Variants in MAGI2 observed in about 807,000 individuals in gnomAD.
MAGI2 encodes membrane-associated guanylate kinase, WW and PDZ domain-containing protein 2.
A neutral mutation model predicts 133.3 loss-of-function variants in MAGI2; 35 were observed. That is an observed-to-expected ratio of 0.26 (90% CI 0.20 to 0.35). The LOEUF (loss-of-function observed/expected upper bound fraction) is 0.35. Ranked by LOEUF, MAGI2 falls within the 10% of genes least tolerant of loss-of-function variation. The pLI, the probability that MAGI2 is intolerant of heterozygous loss-of-function variation, is 1.00. For synonymous variants in MAGI2, 729 were observed against 710.6 expected, an observed-to-expected ratio of 1.03 and a Z score of -0.41; for missense variants, 1,636 against 1,863.4, an observed-to-expected ratio of 0.88 and a Z score of 2.25.
chr7:78,298,768 G>GTGTT (rs1797551003), intron 9 of MAGI2, among the ~76,000 whole-genome samples: 1 of 148,172 alleles, frequency 6.7e-6, no homozygotes, highest in African/African-American at 2.5e-5. Flanking sequence ...GCCTCCCAAA[G>GTGTT]TGTTGGGATT....
At chr7:78,823,068 G>T (rs1790264902) in intron 2 of MAGI2, among the ~76,000 whole-genome samples, 1 of 152,104 alleles carries the variant, frequency 6.6e-6, no homozygotes. Flanking sequence ...TTCACAAAAT[G>T]TGGCTCATTA....
At chr7:78,728,581 T>TTTTTTTTTTG (rs1563419564) in intron 2 of MAGI2, among the ~76,000 whole-genome samples, 1 of 59,202 alleles carries the variant, frequency 1.7e-5, no homozygotes, top group African/African-American at 7.6e-5. Context: ...TTTTTTTTTT[T>TTTTTTTTTTG]TTGAGACGGA....
At chr7:79,140,894 G>C (rs991818106) in intron 1 of MAGI2, among the ~76,000 whole-genome samples, 2 of 152,058 alleles carry the variant, frequency 1.3e-5, no homozygotes, top group Non-Finnish European at 2.9e-5. Flanking sequence ...TTTGGCAATA[G>C]CAACATTGTT....
intron 1 of MAGI2, among the ~76,000 whole-genome samples, chr7:79,344,419 G>A (rs1448658477): frequency 6.6e-6 from 1 of 152,058 alleles, no homozygotes; most frequent in East Asian, 1.9e-4. Flanking sequence ...ACATAAATGA[G>A]CAATTGCTAT....
intron 1 of MAGI2, among the ~76,000 whole-genome samples, chr7:79,173,975 G>GT (rs928922361): frequency 3.4e-4 from 51 of 151,000 alleles, no homozygotes; most frequent in African/African-American, 9.5e-4. Flanking sequence ...ACCACAGGCA[G>GT]TTTTTTTTTA....
chr7:79,028,316 CACATATATATACATATATAT>C (rs1810202536), intron 1 of MAGI2, among the ~76,000 whole-genome samples: 5 of 122,772 alleles, frequency 4.1e-5, no homozygotes, highest in South Asian at 2.7e-4. Context: ...TATATATACA[CACATATATATACATATATAT>C]ACACACACAC....
rs142613543 is a variant in MAGI2 at position 78,758,929 on chromosome 7, T to C, written c.419-131690A>G. ...TAGTTAATCTGTCACATTCAAATAA[T>C]TTGTTTACACGTCTATCTCCCACAC... On this transcript the variant is annotated intron_variant, in intron 2 of 21. Transcript: ENST00000354212. Among the ~76,000 whole-genome samples, 39 of 152,316 alleles carry C rather than the reference T, an allele frequency of 2.6e-4. No individual in the cohort carries two copies. The East Asian group carries it at 7.5e-3, about 29-fold the overall frequency.
At chr7:78,057,368 G>A (rs1024817505) in intron 21 of MAGI2, among the ~76,000 whole-genome samples, 6 of 151,918 alleles carry the variant, frequency 3.9e-5, no homozygotes, top group South Asian at 4.2e-4. Context: ...TCAGCCTCCC[G>A]GGTAGCTAGG....
intron 21 of MAGI2, among the ~76,000 whole-genome samples, chr7:78,025,099 C>T (rs1035360885): frequency 6.6e-6 from 1 of 152,214 alleles, no homozygotes; most frequent in Non-Finnish European, 1.5e-5. Context: ...CCAGCCTCCC[C>T]AGCTTCATTT....
chr7:78,668,126 C>G (rs910996732), intron 2 of MAGI2, among the ~76,000 whole-genome samples: 9 of 152,148 alleles, frequency 5.9e-5, no homozygotes, highest in African/African-American at 1.9e-4. Flanking sequence ...TTTTGATTTG[C>G]ATTTCTTTGA....
intron 3 of MAGI2, among the ~76,000 whole-genome samples, chr7:78,585,534 G>C (rs1803309649): frequency 6.6e-6 from 1 of 152,150 alleles, no homozygotes; most frequent in South Asian, 2.1e-4. Flanking sequence ...GGCACCTAGT[G>C]AAAGAAGAAG....
Position 78,330,562 on chromosome 7 carries a change from G to A in MAGI2, c.1408+13216C>T, listed in dbSNP as rs960790325. Among the ~76,000 whole-genome samples the A allele has an allele frequency of 7.1e-4, 22 of 31,110 alleles. 6 individuals carry two copies. The highest frequency in any genetic ancestry group is 2.6e-3 in the Admixed American group (8 of 3,030). The allele number at this position is 31,110 out of a possible 152,430, so 20.4% of individuals were successfully genotyped here. ...AACCCCAGGGGGCGGAGCCTGCAGT[G>A]AGCCGAGATTGCGCCACTGCACTCC... is the stretch of plus-strand genomic sequence containing the variant. On this transcript the variant is annotated intron_variant, in intron 9 of 21. Transcript: ENST00000354212.
intron 2 of MAGI2, among the ~76,000 whole-genome samples, chr7:78,707,500 G>T (rs544755610): frequency 5.9e-5 from 9 of 152,112 alleles, no homozygotes; most frequent in Admixed American, 1.3e-4. Context: ...CATTCTAAAA[G>T]TAACAATAAT....
chr7:79,453,527 G>A lies in MAGI2; in HGVS notation c.-207C>T. 1 of 1,376,612 alleles carries A rather than the reference G, an allele frequency of 7.3e-7. No individual in the cohort carries two copies. 85.3% of individuals were successfully genotyped at this position (1,376,612 alleles called of 1,614,324 possible). A position where few individuals can be genotyped will look rare whatever the true frequency, so the allele number is the denominator to read the frequency against. On this transcript the variant is annotated 5_prime_UTR_variant, in exon 1 of 22. Coordinates refer to ENST00000354212, the MANE Select transcript of MAGI2 (RefSeq NM_012301.4). ...TGAGAGGGACGGCTGGGCAGAGGTA[G>A]GAGAGCTTGGATGAGGTTGTGCTGT...
intron 2 of MAGI2, among the ~76,000 whole-genome samples, chr7:78,937,432 A>G (rs373691970): frequency 1.3e-5 from 2 of 152,190 alleles, no homozygotes; most frequent in African/African-American, 4.8e-5. Flanking sequence ...TAATAGTTGC[A>G]GACAAAAATT....
chr7:78,842,166 C>A (rs1792198701), intron 2 of MAGI2, among the ~76,000 whole-genome samples: 1 of 151,798 alleles, frequency 6.6e-6, no homozygotes, highest in African/African-American at 2.4e-5. Flanking sequence ...CAAGTTAAGA[C>A]GAACAAGTAA....
At chr7:78,405,881 T>C (rs1396493001) in intron 6 of MAGI2, among the ~76,000 whole-genome samples, 1 of 151,266 alleles carries the variant, frequency 6.6e-6, no homozygotes, top group East Asian at 1.9e-4. Flanking sequence ...TTTAAGTTAG[T>C]ATCTGTACCA....
At chr7:79,280,256 T>C (rs944383593) in intron 1 of MAGI2, among the ~76,000 whole-genome samples, 3 of 152,154 alleles carry the variant, frequency 2.0e-5, no homozygotes, top group African/African-American at 7.2e-5. Flanking sequence ...CTATTCTTTG[T>C]AGAGATTTGA....
chr7:78,331,882 G>A (rs1339534946), intron 9 of MAGI2, among the ~76,000 whole-genome samples: 1 of 152,098 alleles, frequency 6.6e-6, no homozygotes, highest in Non-Finnish European at 1.5e-5. Flanking sequence ...ATTTTGTGCA[G>A]AATAACTTAA....
Sources: gnomAD v4.1 joint callset for allele counts (sites outside exome capture counted in the v4.1 genomes callset) on GRCh38, gnomAD v4.1.1 for gene constraint, MANE v1.5 for transcripts, NCBI Gene and HGNC (gene_info 2026-07-23, HGNC 2026-07-21) for gene names.